The following LTBP1 variants were observed in gnomAD, a reference collection of about 807,000 sequenced individuals.
The protein encoded by LTBP1 is latent-transforming growth factor beta-binding protein 1.
In LTBP1, 129 loss-of-function variants were observed where a neutral mutation model predicts 207.6. The observed-to-expected ratio is 0.62, with a 90% confidence interval of 0.54 to 0.72. The LOEUF (loss-of-function observed/expected upper bound fraction) is 0.72. Among genes scored for constraint, LTBP1 ranks in the 30% least tolerant of loss-of-function variants. LTBP1 has a pLI of 0.00. For synonymous variants in LTBP1, 963 were observed against 833.7 expected (o/e 1.16, Z -2.67); for missense variants, 2,281 against 2,217.2 (o/e 1.03, Z -0.58).
intron 26 of LTBP1, among the ~76,000 whole-genome samples, chr2:33,348,803 G>A (rs1191522115): frequency 1.3e-5 from 2 of 152,212 alleles, no homozygotes; most frequent in East Asian, 3.8e-4. Flanking sequence ...ACTCTGTAGA[G>A]GAAGGGAGAG....
intron 4 of LTBP1, among the ~76,000 whole-genome samples, chr2:33,131,601 A>G (rs1022715559): frequency 1.3e-5 from 2 of 152,246 alleles, no homozygotes; most frequent in African/African-American, 4.8e-5. Flanking sequence ...CCTAAAGCTA[A>G]TTATAATGAA....
intron 31 of LTBP1, among the ~76,000 whole-genome samples, chr2:33,387,660 A>G (rs1475218409): frequency 6.6e-6 from 1 of 151,658 alleles, no homozygotes; most frequent in Non-Finnish European, 1.5e-5. Flanking sequence ...TTGATTCGTC[A>G]CCCTCATTCC....
At chr2:33,344,095 A>G (rs111706164) in intron 25 of LTBP1, among the ~76,000 whole-genome samples, 2,519 of 152,326 alleles carry the variant, frequency 0.017, 33 homozygotes, top group Non-Finnish European at 0.027. Flanking sequence ...TTTAAGGTTT[A>G]ATGATAATGT....
intron 5 of LTBP1, among the ~76,000 whole-genome samples, chr2:33,183,491 C>T (rs999609306): frequency 6.6e-6 from 1 of 152,198 alleles, no homozygotes; most frequent in Admixed American, 6.5e-5. Context: ...AACCAAAGAG[C>T]TAGCAGTGAA....
At chr2:32,961,168 C>T (rs921809208) in intron 2 of LTBP1, among the ~76,000 whole-genome samples, 1 of 152,138 alleles carries the variant, frequency 6.6e-6, no homozygotes, top group Non-Finnish European at 1.5e-5. Flanking sequence ...GTGAAGTACC[C>T]AAGTCCACAC....
intron 3 of LTBP1, among the ~76,000 whole-genome samples, chr2:33,065,646 A>T (rs1467774024): frequency 6.6e-6 from 1 of 151,978 alleles, no homozygotes; most frequent in East Asian, 1.9e-4. Flanking sequence ...TTTTTAAAGA[A>T]TTTTTCCATA....
intron 7 of LTBP1, among the ~76,000 whole-genome samples, chr2:33,202,791 C>T (rs2089462970): frequency 6.6e-6 from 1 of 152,216 alleles, no homozygotes; most frequent in African/African-American, 2.4e-5. Flanking sequence ...AGGGCCCTCC[C>T]AGGTGATCTT....
chr2:33,137,354 T>G (rs889067318), intron 5 of LTBP1, among the ~76,000 whole-genome samples: 7 of 152,254 alleles, frequency 4.6e-5, no homozygotes, highest in African/African-American at 1.7e-4. Context: ...TGTCAGCTAC[T>G]CCCTTTGATC....
chr2:33,043,442 T>C (rs2076290980), intron 3 of LTBP1, among the ~76,000 whole-genome samples: 1 of 152,224 alleles, frequency 6.6e-6, no homozygotes, highest in Non-Finnish European at 1.5e-5. Flanking sequence ...GGGTCTAATA[T>C]ATGCATCTTG....
chr2:33,028,106 T>C (rs1409953584), intron 3 of LTBP1, among the ~76,000 whole-genome samples: 1 of 151,902 alleles, frequency 6.6e-6, no homozygotes, highest in African/African-American at 2.4e-5. Flanking sequence ...GGAAGAAGAG[T>C]AGACCATGGC....
intron 5 of LTBP1, among the ~76,000 whole-genome samples, chr2:33,184,783 T>TTG (rs1308410251): frequency 4.0e-4 from 1 of 2,488 alleles, no homozygotes; most frequent in African/African-American, 4.9e-4. Flanking sequence ...TATTTTCTGT[T>TTG]TTTTTTTTTT....
rs1334412230 is a variant in LTBP1, at chr2:33,180,528, T to C, written c.1202-6328T>C. ...GTGCGGTGGTGCAATCTCAGCTCAG[T>C]GCAACCCCTGCCTCCCGCGTTCAAG... On this transcript the variant is annotated intron_variant, in intron 5 of 33. Transcript: ENST00000404816. Among the ~76,000 whole-genome samples, 5 of 151,578 alleles carry C rather than the reference T, an allele frequency of 3.3e-5. No individual in the cohort carries two copies. In the East Asian group the frequency reaches 5.9e-4, roughly 18 times the overall value.
chr2:33,387,954 T>C (rs553306708), intron 31 of LTBP1, among the ~76,000 whole-genome samples: 1 of 152,292 alleles, frequency 6.6e-6, no homozygotes, highest in South Asian at 2.1e-4. Context: ...TGCCTGCACC[T>C]CACAGTCCTA....
chr2:33,240,645 CTTT>C (rs869193074), intron 9 of LTBP1, among the ~76,000 whole-genome samples: 3 of 100,812 alleles, frequency 3.0e-5, no homozygotes, highest in African/African-American at 4.1e-5. Flanking sequence ...TGGAAACATT[CTTT>C]TTTTTTTTTT....
chr2:33,236,472 T>C (rs2092056662), intron 9 of LTBP1, among the ~76,000 whole-genome samples: 1 of 152,224 alleles, frequency 6.6e-6, no homozygotes, highest in African/African-American at 2.4e-5. Flanking sequence ...ATTTCAGCAT[T>C]TGCAAATCAA....
chr2:33,061,371 T>C (rs906170994), intron 3 of LTBP1: 2 of 152,186 alleles, frequency 1.3e-5, no homozygotes, highest in African/African-American at 4.8e-5. Flanking sequence ...AATGTACAAA[T>C]CTTACATGCA....
chr2:33,084,367 G>GTTGTGAAAGGGACC (rs1380818708), intron 3 of LTBP1, among the ~76,000 whole-genome samples: 1 of 152,188 alleles, frequency 6.6e-6, no homozygotes, highest in African/African-American at 2.4e-5. Context: ...GGACCATGAA[G>GTTGTGAAAGGGACC]CAGACAGGGT....
intron 3 of LTBP1, among the ~76,000 whole-genome samples, chr2:33,074,539 C>G (rs1270726190): frequency 6.6e-6 from 1 of 152,036 alleles, no homozygotes; most frequent in Non-Finnish European, 1.5e-5. Context: ...GAGTTCGAGA[C>G]CAGCCTCGCC....
chr2:33,264,068 A>C (rs2093101707), intron 15 of LTBP1, among the ~76,000 whole-genome samples: 1 of 152,018 alleles, frequency 6.6e-6, no homozygotes, highest in Non-Finnish European at 1.5e-5. Context: ...ATCCTGGCTA[A>C]CACGGTGAAA....
Sources: allele counts gnomAD v4.1 joint callset (sites outside exome capture counted in the v4.1 genomes callset), GRCh38; gene constraint gnomAD v4.1.1; transcripts MANE v1.5; gene names NCBI Gene and HGNC (gene_info 2026-07-23, HGNC 2026-07-21).